NARS2: variants seen among roughly 807,000 people sequenced by gnomAD.
NARS2 encodes the protein asparaginyl-tRNA synthetase.
A neutral mutation model predicts 62.9 loss-of-function variants in NARS2; 60 were observed. That is an observed-to-expected ratio of 0.95 (90% CI 0.77 to 1.18). The LOEUF (loss-of-function observed/expected upper bound fraction) is 1.18, where lower values mean the gene tolerates loss of function less well. Among genes scored for constraint, NARS2 ranks in the 50% most tolerant of loss-of-function variants. The probability of loss-of-function intolerance (pLI) is 0.00; values close to 1 mark genes in which losing one functional copy is unlikely to be tolerated. For synonymous variants in NARS2, 196 were observed against 200.0 expected (o/e 0.98, Z 0.17); for missense variants, 619 against 576.4 (o/e 1.07, Z -0.76).
intron 4 of NARS2, among the ~76,000 whole-genome samples, chr11:78,563,829 C>CA (rs1167838676): frequency 0.18 from 2,526 of 14,082 alleles, 384 homozygotes; most frequent in East Asian, 0.38. Context: ...AACTCTGTAT[C>CA]AAAAAAAAAA....
intron 6 of NARS2, among the ~76,000 whole-genome samples, chr11:78,516,261 C>T (rs544046237): frequency 6.6e-6 from 1 of 152,260 alleles, no homozygotes; most frequent in South Asian, 2.1e-4. Context: ...AAATTGTACA[C>T]CATAAAATGC....
At chr11:78,471,443 T>C (rs1858868263) in intron 9 of NARS2, among the ~76,000 whole-genome samples, 1 of 152,232 alleles carries the variant, frequency 6.6e-6, no homozygotes, top group East Asian at 1.9e-4. Flanking sequence ...GAAAGCATGT[T>C]ATTAATTTTT....
At chr11:78,510,281 GA>G (rs545191255) in intron 6 of NARS2, among the ~76,000 whole-genome samples, 3 of 151,868 alleles carry the variant, frequency 2.0e-5, no homozygotes, top group African/African-American at 7.3e-5. Flanking sequence ...TGAAAGGATG[GA>G]AAAAAAATTT....
intron 6 of NARS2, among the ~76,000 whole-genome samples, chr11:78,499,530 C>A (rs542403329): frequency 1.3e-5 from 2 of 152,068 alleles, no homozygotes; most frequent in Non-Finnish European, 2.9e-5. Flanking sequence ...TTCTGTTCTG[C>A]GAAATAATAG....
intron 2 of NARS2, among the ~76,000 whole-genome samples, chr11:78,569,904 T>C (rs1482314525): frequency 6.6e-6 from 1 of 152,120 alleles, no homozygotes; most frequent in Non-Finnish European, 1.5e-5. Flanking sequence ...CCATTAATAT[T>C]AGGGCCAGGT....
intron 11 of NARS2, among the ~76,000 whole-genome samples, chr11:78,447,902 G>C (rs9804428): frequency 6.6e-6 from 1 of 151,866 alleles, no homozygotes; most frequent in African/African-American, 2.4e-5. Flanking sequence ...CAGATGGACA[G>C]AGGAATGGGA....
At position 78,574,616 on chromosome 11, in the gene NARS2, C is replaced by G. The variant is rs1240772199; in HGVS notation, c.-128G>C. The G allele has an allele frequency of 2.8e-6, 3 of 1,054,636 alleles. No individual in the cohort carries two copies. Among genetic ancestry groups the G allele is most frequent in the Non-Finnish European group, 2.7e-6 (2 of 752,982 alleles). The allele number at this position is 1,054,636 out of a possible 1,614,324, so 65.3% of individuals were successfully genotyped here. On this transcript the variant is annotated 5_prime_UTR_variant, in exon 1 of 14. Coordinates refer to ENST00000281038, the MANE Select transcript of NARS2 (RefSeq NM_024678.6). ...AGCTCTGCTCTAAGGCACTCCAGAGCCCCTCGGCTGCGCGCTTTCTCCTTC... is the reference window on the plus strand; with the variant it reads ...AGCTCTGCTCTAAGGCACTCCAGAGGCCCTCGGCTGCGCGCTTTCTCCTTC...
At chr11:78,444,430 T>C (rs1421339753) in intron 11 of NARS2, among the ~76,000 whole-genome samples, 1 of 152,062 alleles carries the variant, frequency 6.6e-6, no homozygotes, top group Admixed American at 6.6e-5. Flanking sequence ...AAAATGGAGA[T>C]GATGGCTGGG....
intron 13 of NARS2, among the ~76,000 whole-genome samples, chr11:78,440,139 T>C (rs1004839078): frequency 4.6e-5 from 7 of 152,132 alleles, no homozygotes; most frequent in African/African-American, 1.4e-4. Context: ...TCTTGGCTCA[T>C]TGTAACCTCC....
chr11:78,537,150 T>C (rs1855386793), intron 5 of NARS2, among the ~76,000 whole-genome samples: 1 of 152,198 alleles, frequency 6.6e-6, no homozygotes, highest in Middle Eastern at 3.2e-3. Flanking sequence ...AGGGTGCATT[T>C]CTCAGAAAGT....
rs150700034 is a variant in NARS2 at position 78,438,226 on chromosome 11, A to G, written c.1290-1412T>C. Reference sequence around the variant, plus strand: ...TTAAAGGAAAAGATTAACTCCAAACAGATGAGTTGTAATCAGGTAAGAGAC... The same window carrying G: ...TTAAAGGAAAAGATTAACTCCAAACGGATGAGTTGTAATCAGGTAAGAGAC... On this transcript the variant is annotated intron_variant, in intron 13 of 13. Transcript: ENST00000281038. Among the ~76,000 whole-genome samples, 86 of 152,318 alleles carry G rather than the reference A, an allele frequency of 5.6e-4. 1 individual carries two copies. In the East Asian group the frequency reaches 0.017, roughly 29 times the overall value.
chr11:78,451,557 T>C (rs747112781), intron 11 of NARS2, among the ~76,000 whole-genome samples: 1 of 152,196 alleles, frequency 6.6e-6, no homozygotes, highest in Admixed American at 6.5e-5. Context: ...CTTGCCTTTA[T>C]GGGCAGGCAG....
chr11:78,482,301 T>G (rs1415223087), intron 7 of NARS2, among the ~76,000 whole-genome samples: 2 of 151,964 alleles, frequency 1.3e-5, no homozygotes, highest in African/African-American at 4.8e-5. Flanking sequence ...GCAGGAAAGA[T>G]CTCAAATTGA....
At chr11:78,543,809 GACCACGAGGTCAA>G (rs1160414490) in intron 5 of NARS2, among the ~76,000 whole-genome samples, 11 of 152,040 alleles carry the variant, frequency 7.2e-5, no homozygotes, top group African/African-American at 2.4e-4. Flanking sequence ...AAGGCGGGCA[GACCACGAGGTCAA>G]GAGATTGAGA....
chr11:78,487,060 A>G (rs1859605231), intron 7 of NARS2, among the ~76,000 whole-genome samples: 2 of 152,062 alleles, frequency 1.3e-5, no homozygotes, highest in African/African-American at 2.4e-5. Flanking sequence ...TGAATTACAG[A>G]AAGAAAAAAT....
intron 5 of NARS2, among the ~76,000 whole-genome samples, chr11:78,538,753 T>C (rs577557858): frequency 6.6e-6 from 1 of 151,752 alleles, no homozygotes; most frequent in South Asian, 2.1e-4. Context: ...CCCAGCACTT[T>C]GGGAGGCCGA....
At chr11:78,488,526 G>A (rs1859676370) in intron 7 of NARS2, among the ~76,000 whole-genome samples, 1 of 152,108 alleles carries the variant, frequency 6.6e-6, no homozygotes, top group Admixed American at 6.5e-5. Flanking sequence ...TAGCAGTGTT[G>A]GATTTCAGAC....
chr11:78,509,972 T>C (rs1055492337), intron 6 of NARS2, among the ~76,000 whole-genome samples: 7 of 151,862 alleles, frequency 4.6e-5, no homozygotes, highest in East Asian at 3.9e-4. Context: ...ACAAAGAAAA[T>C]AGCTATAGAA....
intron 11 of NARS2, among the ~76,000 whole-genome samples, chr11:78,452,107 AT>A (rs143853387): frequency 1.3e-5 from 2 of 150,378 alleles, no homozygotes; most frequent in Admixed American, 6.6e-5. Context: ...AAATTTTTCA[AT>A]TTTTTTTTTA....
Sources: gnomAD v4.1 joint callset for allele counts (sites outside exome capture counted in the v4.1 genomes callset) on GRCh38, gnomAD v4.1.1 for gene constraint, MANE v1.5 for transcripts, NCBI Gene and HGNC (gene_info 2026-07-23, HGNC 2026-07-21) for gene names.